Variants in GFPT2 observed in about 807,000 individuals in gnomAD.
The protein encoded by GFPT2 is glutamine--fructose-6-phosphate transaminase 2.
A neutral mutation model predicts 85.6 loss-of-function variants in GFPT2; 62 were observed. The ratio of observed to expected loss-of-function variants is 0.72; its 90% confidence interval spans 0.59 to 0.90. The LOEUF (loss-of-function observed/expected upper bound fraction) is 0.90. Ranked by LOEUF, GFPT2 falls within the 40% of genes least tolerant of loss-of-function variation. GFPT2 has a pLI of 0.00. For synonymous variants in GFPT2, 368 were observed against 344.5 expected, an observed-to-expected ratio of 1.07 and a Z score of -0.75; for missense variants, 788 against 893.4, an observed-to-expected ratio of 0.88 and a Z score of 1.50.
chr5:180,337,453 G>GAAAAAAAAAA (rs35211599), intron 2 of GFPT2, among the ~76,000 whole-genome samples: 1 of 99,402 alleles, frequency 1.0e-5, no homozygotes. Context: ...ACTCCATCTC[G>GAAAAAAAAAA]AAAAAAAAAA....
intron 2 of GFPT2, among the ~76,000 whole-genome samples, chr5:180,337,394 A>T (rs1338124112): frequency 6.6e-6 from 1 of 150,422 alleles, no homozygotes; most frequent in Non-Finnish European, 1.5e-5. Context: ...CGGAGCTTGC[A>T]GTGAGCTGAG....
chr5:180,320,664 T>G (rs1472924128), intron 9 of GFPT2, among the ~76,000 whole-genome samples: 1 of 152,086 alleles, frequency 6.6e-6, no homozygotes, highest in Non-Finnish European at 1.5e-5. Flanking sequence ...TCCCAGCTAC[T>G]TGGGAGGCAG....
chr5:180,313,018 C>CTG (rs1763925777), intron 14 of GFPT2, among the ~76,000 whole-genome samples: 19 of 151,750 alleles, frequency 1.3e-4, no homozygotes, highest in Admixed American at 1.1e-3. Flanking sequence ...CTCAGGTGAT[C>CTG]CCCCTGCCTC....
At chr5:180,332,598 C>T (rs1211302183) in intron 4 of GFPT2, among the ~76,000 whole-genome samples, 4 of 152,194 alleles carry the variant, frequency 2.6e-5, no homozygotes, top group East Asian at 1.9e-4. Context: ...AGTGCAGTGG[C>T]GTGACCTTGG....
intron 17 of GFPT2, among the ~76,000 whole-genome samples, chr5:180,303,458 A>C (rs1333379663): frequency 6.6e-6 from 1 of 152,158 alleles, no homozygotes; most frequent in African/African-American, 2.4e-5. Context: ...GGGCGCAATG[A>C]GAGTGGGACG....
At chr5:180,333,230 T>C (rs1200986378) in intron 4 of GFPT2, among the ~76,000 whole-genome samples, 1 of 149,706 alleles carries the variant, frequency 6.7e-6, no homozygotes, top group Non-Finnish European at 1.5e-5. Flanking sequence ...ATATTGTTTC[T>C]TTTTCTTTCT....
At chr5:180,306,414 G>A (rs1265887130) in intron 16 of GFPT2, among the ~76,000 whole-genome samples, 2 of 152,212 alleles carry the variant, frequency 1.3e-5, no homozygotes, top group African/African-American at 4.8e-5. Context: ...CGTCACCTGG[G>A]CTGAGCATCT....
chr5:180,316,460 G>T lies in GFPT2; in HGVS notation c.1154C>A (p.Thr385Lys). 3 of 1,614,052 alleles carry T rather than the reference G, an allele frequency of 1.9e-6. No individual in the cohort carries two copies. Among genetic ancestry groups the T allele is most frequent in the Non-Finnish European group, 2.5e-6 (3 of 1,179,952 alleles). The change falls in exon 13 of 19, where the codon ACG (threonine) becomes AAG (lysine). Residue 385 changes from threonine to lysine, a missense_variant and splice_region_variant. By Grantham distance (78) the Thr-to-Lys change is moderately conservative. Coordinates refer to ENST00000253778, the MANE Select transcript of GFPT2 (RefSeq NM_005110.4). ...AGTCAGTTCCTCCAAAACTTGCCGC[G>T]TCTGAAGCCAACAAGCAAGCATGGA... ...CGTSYHAAVA[T>K]RQVLEELTEL...
chr5:180,303,015 G>A (rs894466547), intron 17 of GFPT2, among the ~76,000 whole-genome samples: 7 of 151,182 alleles, frequency 4.6e-5, no homozygotes, highest in East Asian at 2.0e-4. Context: ...GGATCACGAG[G>A]TCAGGAGATC....
At chr5:180,321,587 C>A (rs760035955) in intron 9 of GFPT2, among the ~76,000 whole-genome samples, 1 of 152,316 alleles carries the variant, frequency 6.6e-6, no homozygotes, top group African/African-American at 2.4e-5. Context: ...GCTCTCATAC[C>A]GTGCCCCGCA....
Position 180,330,930 on chromosome 5 carries a change from G to T in GFPT2, c.400-96C>A. ...CTCCCTGGTGATCTGCCCTTGGAGT[G>T]ACTTAAGTCAAGAACAGGGAAAACC... On this transcript the variant is annotated intron_variant, in intron 5 of 18. Coordinates refer to ENST00000253778, the MANE Select transcript of GFPT2 (RefSeq NM_005110.4). The surrounding 1 kb of genome is among the most constrained non-coding windows in gnomAD (Gnocchi z 4.4). 2 of 1,149,010 alleles carry T rather than the reference G, an allele frequency of 1.7e-6. No individual in the cohort carries two copies. Among genetic ancestry groups the T allele is most frequent in the Non-Finnish European group, 2.5e-6 (2 of 798,792 alleles). The allele number at this position is 1,149,010 out of a possible 1,614,324, so 71.2% of individuals were successfully genotyped here.
intron 4 of GFPT2, among the ~76,000 whole-genome samples, chr5:180,332,179 A>G (rs140331365): frequency 1.1e-3 from 157 of 145,676 alleles, no homozygotes; most frequent in African/African-American, 3.8e-3. Flanking sequence ...CGCACAACCC[A>G]GCTCACGCGG....
At chr5:180,329,228 C>T (rs1764263587) in intron 6 of GFPT2, among the ~76,000 whole-genome samples, 1 of 152,184 alleles carries the variant, frequency 6.6e-6, no homozygotes, top group Admixed American at 6.5e-5. Context: ...CGTGTCGGGT[C>T]CAGGTTGCCA....
At chr5:180,319,410 G>A (rs562762879) in intron 9 of GFPT2, among the ~76,000 whole-genome samples, 32 of 152,290 alleles carry the variant, frequency 2.1e-4, no homozygotes, top group South Asian at 4.1e-4. Flanking sequence ...ATTCTGAATC[G>A]TGAAGGGAAA....
chr5:180,305,121 A>C (rs1195935398), intron 16 of GFPT2, among the ~76,000 whole-genome samples, 182 bp from the exon 17 acceptor site: 1 of 152,100 alleles, frequency 6.6e-6, no homozygotes, highest in East Asian at 1.9e-4. Context: ...GGGCCTGGGG[A>C]GAGGCCTGGC....
At position 180,336,011 on chromosome 5, in the gene GFPT2, G is replaced by C. The variant is rs558214325; in HGVS notation, c.215-58C>G. The stretch of plus-strand genomic sequence containing the variant: ...GAACAACAAGCCTCGACCCAGGACT[G>C]TGAGTGCAACCTGGTGTCGTTACCC... On this transcript the variant is annotated intron_variant, in intron 3 of 18. Transcript: ENST00000253778. The C allele has an allele frequency of 9.4e-6, 14 of 1,495,206 alleles. 1 individual carries two copies. The South Asian group carries it at 1.6e-4, about 17-fold the overall frequency. The allele number at this position is 1,495,206 out of a possible 1,614,324, so 92.6% of individuals were successfully genotyped here.
At chr5:180,312,397 T>C (rs1763910305) in intron 15 of GFPT2, 33 bp downstream of exon 15, 1 of 1,131,348 alleles carries the variant, frequency 8.8e-7, no homozygotes, top group Middle Eastern at 2.0e-4. Context: ...CCACTAGATC[T>C]GAAAACATGG....
At chr5:180,340,282 TG>T (rs1279728366) in intron 1 of GFPT2, among the ~76,000 whole-genome samples, 24 of 151,498 alleles carry the variant, frequency 1.6e-4, no homozygotes, top group African/African-American at 5.6e-4. Flanking sequence ...TCTTGGCTCA[TG>T]GCAACCTCCG....
chr5:180,341,234 A>C (rs889584128), intron 1 of GFPT2, among the ~76,000 whole-genome samples: 1 of 152,130 alleles, frequency 6.6e-6, no homozygotes, highest in Admixed American at 6.5e-5. Flanking sequence ...TTTCCCAACT[A>C]TGTTTTGCTG....
Sources: gnomAD v4.1 joint callset for allele counts (sites outside exome capture counted in the v4.1 genomes callset) on GRCh38, gnomAD v4.1.1 for gene constraint, Gnocchi (gnomAD v3.1) non-coding constraint, MANE v1.5 for transcripts, NCBI Gene and HGNC (gene_info 2026-07-23, HGNC 2026-07-21) for gene names.